The following CARMIL1 variants were observed in gnomAD, a reference collection of about 807,000 sequenced individuals.
The protein encoded by CARMIL1 is F-actin-uncapping protein LRRC16A.
In CARMIL1, 90 loss-of-function variants were observed where a neutral mutation model predicts 177.1. That is an observed-to-expected ratio of 0.51 (90% CI 0.43 to 0.61). The LOEUF (loss-of-function observed/expected upper bound fraction) is 0.61, where lower values mean the gene tolerates loss of function less well. Among genes scored for constraint, CARMIL1 ranks in the 20% least tolerant of loss-of-function variants. CARMIL1 has a pLI of 0.00. For synonymous variants in CARMIL1, 577 were observed against 606.2 expected (o/e 0.95, Z 0.71); for missense variants, 1,380 against 1,667.0 (o/e 0.83, Z 3.00).
chr6:25,405,041 C>T (rs376108405), intron 2 of CARMIL1, among the ~76,000 whole-genome samples: 2,252 of 45,068 alleles, frequency 0.05, 42 homozygotes, highest in African/African-American at 0.14. Context: ...GTTTCACTTC[C>T]TCCTGTTGTG....
intron 31 of CARMIL1, among the ~76,000 whole-genome samples, chr6:25,593,638 C>G (rs1044996464): frequency 6.6e-5 from 10 of 152,210 alleles, no homozygotes; most frequent in Non-Finnish European, 1.3e-4. Flanking sequence ...GGTGCTTTCC[C>G]CTTTCTGCTT....
chr6:25,309,600 T>C (rs1387884098), intron 2 of CARMIL1, among the ~76,000 whole-genome samples: 2 of 150,050 alleles, frequency 1.3e-5, no homozygotes, highest in Admixed American at 6.7e-5. Context: ...ACCGGCCTAG[T>C]CTAGATATTT....
rs1168839751 is a variant in CARMIL1 at position 25,279,511 on chromosome 6, C to G, written c.-285C>G. 3 of 509,618 alleles carry G rather than the reference C, an allele frequency of 5.9e-6. No individual in the cohort carries two copies. Among genetic ancestry groups the G allele is most frequent in the African/African-American group, 3.9e-5 (2 of 51,368 alleles). 31.6% of individuals were successfully genotyped at this position (509,618 alleles called of 1,614,324 possible). Reference sequence around the variant, plus strand: ...CAGGCGCCACAGCCGCCCCGCGCCCCGCGCCCGCTTGTAATCCGGTCCGCT... The same window carrying G: ...CAGGCGCCACAGCCGCCCCGCGCCCGGCGCCCGCTTGTAATCCGGTCCGCT... On this transcript the variant is annotated 5_prime_UTR_variant, in exon 1 of 37. Coordinates refer to ENST00000329474, the MANE Select transcript of CARMIL1 (RefSeq NM_017640.6).
rs147885701 is a variant in CARMIL1 at position 25,294,188 on chromosome 6, G to A, written c.138+9279G>A. On this transcript the variant is annotated intron_variant, in intron 2 of 36. Transcript: ENST00000329474. ...TTACAGCCTCACCAGCCTTTGGCAA[G>A]GGTTTGAGACAGATGTGCTTAGTTC... 3.4e-3 allele frequency among the ~76,000 whole-genome samples: 513 copies of A among 152,324 alleles called. 4 individuals carry two copies. The highest frequency in any genetic ancestry group is 0.011 in the African/African-American group (470 of 41,568).
intron 2 of CARMIL1, among the ~76,000 whole-genome samples, chr6:25,406,117 A>T (rs945472684): frequency 1.3e-5 from 2 of 152,212 alleles, no homozygotes. Flanking sequence ...GATATTAAAT[A>T]TGTAATCCCA....
At chr6:25,543,227 T>G (rs1809091849) in intron 26 of CARMIL1, among the ~76,000 whole-genome samples, 1 of 152,150 alleles carries the variant, frequency 6.6e-6, no homozygotes, top group African/African-American at 2.4e-5. Flanking sequence ...TAATATTTGA[T>G]CATACTGTAC....
intron 5 of CARMIL1, among the ~76,000 whole-genome samples, chr6:25,437,177 T>A (rs1797306956): frequency 6.6e-6 from 1 of 152,236 alleles, no homozygotes; most frequent in Admixed American, 6.5e-5. Flanking sequence ...TGTTTCTTTA[T>A]AATGTGCTCG....
At chr6:25,612,891 G>A in intron 36 of CARMIL1, 2 of 985,392 alleles carry the variant, frequency 2.0e-6, no homozygotes, top group Non-Finnish European at 2.4e-6. Context: ...CAAATGGTTA[G>A]AGCCTTCGAT....
intron 13 of CARMIL1, among the ~76,000 whole-genome samples, chr6:25,490,670 C>T (rs1057357734): frequency 4.0e-5 from 6 of 151,566 alleles, no homozygotes; most frequent in African/African-American, 1.2e-4. Flanking sequence ...TGCACTCCAG[C>T]TTGGGCGATA....
chr6:25,480,651 T>TTAAA (rs5875044), intron 11 of CARMIL1, among the ~76,000 whole-genome samples: 93,570 of 146,498 alleles, frequency 0.64, 30,073 homozygotes, highest in South Asian at 0.72. Flanking sequence ...TAAATTTAAA[T>TTAAA]TATTTATATT....
intron 2 of CARMIL1, among the ~76,000 whole-genome samples, chr6:25,344,455 C>CT (rs752210411): frequency 3.3e-5 from 5 of 152,178 alleles, no homozygotes; most frequent in African/African-American, 4.8e-5. Flanking sequence ...ATCCTTCCCT[C>CT]TCTTCACCTG....
At chr6:25,381,689 C>T (rs1425032317) in intron 2 of CARMIL1, among the ~76,000 whole-genome samples, 1 of 152,156 alleles carries the variant, frequency 6.6e-6, no homozygotes, top group African/African-American at 2.4e-5. Context: ...AGAGGAAGGG[C>T]ATTGCCCTCT....
At chr6:25,440,358 G>T (rs1797633128) in intron 5 of CARMIL1, among the ~76,000 whole-genome samples, 1 of 152,234 alleles carries the variant, frequency 6.6e-6, no homozygotes. Context: ...CACATGAAGA[G>T]ACCAATTGGA....
At chr6:25,403,085 T>C (rs1464899714) in intron 2 of CARMIL1, among the ~76,000 whole-genome samples, 1 of 147,280 alleles carries the variant, frequency 6.8e-6, no homozygotes, top group Admixed American at 6.8e-5. Flanking sequence ...TAAAGAGTTT[T>C]TTTTTTTTTT....
At chr6:25,477,368 A>G (rs1031034900) in intron 11 of CARMIL1, among the ~76,000 whole-genome samples, 32 of 152,120 alleles carry the variant, frequency 2.1e-4, no homozygotes, top group Admixed American at 6.5e-5. Flanking sequence ...AGGTTCGAGT[A>G]TGACTTAGTA....
At chr6:25,361,097 T>G (rs1789148373) in intron 2 of CARMIL1, among the ~76,000 whole-genome samples, 1 of 152,224 alleles carries the variant, frequency 6.6e-6, no homozygotes, top group Non-Finnish European at 1.5e-5. Flanking sequence ...GATAAAGTCT[T>G]CATTTTCAGA....
At chr6:25,358,846 TAAC>T (rs1788895373) in intron 2 of CARMIL1, among the ~76,000 whole-genome samples, 1 of 152,214 alleles carries the variant, frequency 6.6e-6, no homozygotes, top group Admixed American at 6.5e-5. Context: ...TTAAGTAACA[TAAC>T]AACTTGAGAA....
chr6:25,327,040 A>G (rs950534212), intron 2 of CARMIL1, among the ~76,000 whole-genome samples: 8 of 152,172 alleles, frequency 5.3e-5, no homozygotes, highest in Non-Finnish European at 1.0e-4. Context: ...ATGAGCGTAC[A>G]GTCCAGAGGG....
chr6:25,581,487 C>T lies in CARMIL1; in HGVS notation c.3006+48C>T. 8 of 1,515,150 alleles carry T rather than the reference C, an allele frequency of 5.3e-6. No individual in the cohort carries two copies. In the East Asian group the frequency reaches 7.2e-5, roughly 14 times the overall value. 93.9% of individuals were successfully genotyped at this position (1,515,150 alleles called of 1,614,324 possible). ...CCCATCTCTCCCACACCCTTTTCTT[C>T]TCTGGGGAAAGTTGGAGGGTCTTGC... On this transcript the variant is annotated intron_variant, in intron 31 of 36. Coordinates refer to ENST00000329474, the MANE Select transcript of CARMIL1 (RefSeq NM_017640.6).
Sources: allele counts gnomAD v4.1 joint callset (sites outside exome capture counted in the v4.1 genomes callset), GRCh38; gene constraint gnomAD v4.1.1; transcripts MANE v1.5; gene names NCBI Gene and HGNC (gene_info 2026-07-23, HGNC 2026-07-21).